The following ZWILCH variants were observed in gnomAD, a reference collection of about 807,000 sequenced individuals.
The protein encoded by ZWILCH is zwilch kinetochore protein.
Under a neutral mutation model 79.9 loss-of-function variants are expected in ZWILCH, and 74 were observed. The ratio of observed to expected loss-of-function variants is 0.93; its 90% CI spans 0.77 to 1.12. ZWILCH has a LOEUF of 1.12. ZWILCH is among the 50% of genes most tolerant of loss of function. ZWILCH has a pLI of 0.00. For missense variants in ZWILCH, 694 were observed against 687.5 expected (o/e 1.01, Z -0.11); for synonymous variants, 241 against 228.2 (o/e 1.06, Z -0.51).
At position 66,509,822 on chromosome 15, in the gene ZWILCH, C is replaced by CATAT. The variant is rs201725734; in HGVS notation, c.105+975_105+978dup. Among the ~76,000 whole-genome samples, 32 of 88,964 alleles carry CATAT rather than the reference C, an allele frequency of 3.6e-4. 1 individual carries two copies. Among genetic ancestry groups the CATAT allele is most frequent in the Non-Finnish European group, 5.1e-4 (22 of 43,372 alleles). 58.4% of individuals were successfully genotyped at this position (88,964 alleles called of 152,430 possible). ...CTATAATTATGTGTGTGTGTGGCTA[C>CATAT]ATATATATATATATATATATATATA... On this transcript the variant is annotated intron_variant, in intron 2 of 18. Transcript: ENST00000307897.
intron 7 of ZWILCH, among the ~76,000 whole-genome samples, chr15:66,521,492 G>C (rs1464375514): frequency 1.4e-5 from 2 of 147,960 alleles, no homozygotes; most frequent in Non-Finnish European, 3.0e-5. Context: ...CCGTGTTTTT[G>C]TTTGTTTGTT....
intron 17 of ZWILCH, among the ~76,000 whole-genome samples, chr15:66,542,541 C>T (rs866111003): frequency 6.6e-5 from 10 of 152,010 alleles, no homozygotes; most frequent in African/African-American, 9.7e-5. Flanking sequence ...GCCAAGATCG[C>T]GCCACTGCAT....
intron 8 of ZWILCH, chr15:66,524,592 T>C (rs1010067230): frequency 6.6e-6 from 1 of 152,192 alleles, no homozygotes. Flanking sequence ...TCTCACAGAA[T>C]GGCTTGTGTT....
chr15:66,516,407 A>G (rs1023832416), intron 4 of ZWILCH, among the ~76,000 whole-genome samples: 2 of 152,210 alleles, frequency 1.3e-5, no homozygotes, highest in African/African-American at 4.8e-5. Context: ...TAGTCATGCA[A>G]ATACTAACAG....
intron 12 of ZWILCH, among the ~76,000 whole-genome samples, chr15:66,531,917 A>G (rs187116752): frequency 6.6e-6 from 1 of 152,182 alleles, no homozygotes; most frequent in East Asian, 1.9e-4. Context: ...AAATATAAAA[A>G]TTAGCCAGGT....
rs1387661743 is a variant in ZWILCH, at chr15:66,520,637, A to G, written c.568A>G (p.Lys190Glu). The change falls in exon 6 of 19, where the codon AAG becomes GAG. Residue 190 changes from lysine to glutamate, a missense_variant. Coordinates refer to ENST00000307897, the MANE Select transcript of ZWILCH (RefSeq NM_017975.5). ...TCTTGAAAACCTAAAAAATTTACAC[A>G]AGAAAAGACATCACTTGTCTACTGT... The part of the protein sequence containing the change: ...VNLENLKNLH[K>E]KRHHLSTVTS... 1 of 1,556,328 alleles carries G rather than the reference A, an allele frequency of 6.4e-7. No homozygotes were observed. The highest frequency in any genetic ancestry group is 8.8e-7 in the Non-Finnish European group (1 of 1,132,796).
intron 15 of ZWILCH, 74 bp from the exon 16 acceptor site, chr15:66,537,094 A>C: frequency 8.9e-7 from 1 of 1,129,932 alleles, no homozygotes; most frequent in South Asian, 1.3e-5. Context: ...TTCCCTTACG[A>C]GCTTTAGACT....
rs781710931 is a variant in ZWILCH at position 66,508,888 on chromosome 15, A to G, written c.101A>G (p.Tyr34Cys). Residue 34 changes from tyrosine (Y) to cysteine (C), a missense_variant, in exon 2 of 19, where the codon TAT (tyrosine) becomes TGT (cysteine). Transcript: ENST00000307897. ...GGAATCCGTAAAGACCCATTTCTCT[A>G]TGAGGTATGAACAATTTGGTTTTTA... The part of the protein sequence containing the change: ...KKGIRKDPFL[Y>C]EADVQVQLIS... The G allele has an allele frequency of 5.0e-6, 8 of 1,613,822 alleles. No homozygotes were observed. Among genetic ancestry groups the G allele is most frequent in the Non-Finnish European group, 3.4e-6 (4 of 1,179,928 alleles).
Position 66,550,039 on chromosome 15 carries a change from A to G in ZWILCH, c.*1715A>G, listed in dbSNP as rs759102305. ...GGAAAACATTGAAATATACTGACTC[A>G]CCTGCAGCAAGCATCTGATTGTTGA... On this transcript the variant is annotated 3_prime_UTR_variant, in exon 19 of 19. Transcript: ENST00000307897. The G allele has an allele frequency of 3.8e-6, 6 of 1,594,340 alleles. No homozygotes were observed. Among genetic ancestry groups the G allele is most frequent in the Non-Finnish European group, 5.1e-6 (6 of 1,169,692 alleles).
At position 66,549,365 on chromosome 15, in the gene ZWILCH, T is replaced by A. The variant is rs1159406665; in HGVS notation, c.*1041T>A. The A allele has an allele frequency of 6.6e-6, 1 of 152,214 alleles. No homozygotes were observed. The highest frequency in any genetic ancestry group is 1.9e-4 in the East Asian group (1 of 5,210). The allele number at this position is 152,214 out of a possible 1,614,324, so 9.4% of individuals were successfully genotyped here. ...TGGCCTGTAAAAATAGCTAGTTTGG[T>A]AAGATTTGGTCTCGCACCTTCCATC... is the stretch of plus-strand genomic sequence containing the variant. On this transcript the variant is annotated 3_prime_UTR_variant, in exon 19 of 19. Coordinates refer to ENST00000307897, the MANE Select transcript of ZWILCH (RefSeq NM_017975.5).
intron 8 of ZWILCH, among the ~76,000 whole-genome samples, chr15:66,526,087 T>C (rs1567046420): frequency 6.6e-6 from 1 of 151,866 alleles, no homozygotes; most frequent in African/African-American, 2.4e-5. Flanking sequence ...TCTAAAGACC[T>C]CCCCCCGGGA....
intron 10 of ZWILCH, among the ~76,000 whole-genome samples, chr15:66,528,128 A>T (rs1894740741): frequency 1.3e-5 from 2 of 152,092 alleles, no homozygotes; most frequent in Non-Finnish European, 2.9e-5. Context: ...TTTTGAGACA[A>T]GGTCTTGCTC....
rs1398705837 is a variant in ZWILCH, at chr15:66,537,212, A to G, written c.1523A>G (p.His508Arg). 2.5e-6 allele frequency: 4 copies of G among 1,613,460 alleles called. No individual in the cohort carries two copies. In the Admixed American group the frequency reaches 6.7e-5, roughly 27 times the overall value. Residue 508 changes from histidine (H) to arginine (R), a missense_variant, in exon 16 of 19, where the codon CAC becomes CGC. Physicochemically the swap from His to Arg is conservative, Grantham distance 29. Transcript: ENST00000307897. ...AAACAAAATCCTCTTGATGAGCAAC[A>G]CATTTTTCAGCTGCCAGTCAGACCA... ...YYKQNPLDEQ[H>R]IFQLPVRPTA...
At chr15:66,512,091 A>G (rs935690117) in intron 2 of ZWILCH, among the ~76,000 whole-genome samples, 1 of 152,174 alleles carries the variant, frequency 6.6e-6, no homozygotes, top group Non-Finnish European at 1.5e-5. Flanking sequence ...AAAACTGGAA[A>G]CTACTAAAAT....
Position 66,518,971 on chromosome 15 carries a change from T to C in ZWILCH, c.413T>C (p.Val138Ala), listed in dbSNP as rs772987880. The change falls in exon 5 of 19, where the codon GTA becomes GCA. Residue 138 changes from valine to alanine, a missense_variant. Coordinates refer to ENST00000307897, the MANE Select transcript of ZWILCH (RefSeq NM_017975.5). ...LPVTALPPLW[V>A]RCDSSDPEGT... ...GTTACTGCCCTTCCTCCCCTTTGGG[T>C]AAGATGTGACAGTTCAGATCCTGAA... is the stretch of plus-strand genomic sequence containing the variant. 6.2e-7 allele frequency: 1 copy of C among 1,614,204 alleles called. No individual in the cohort carries two copies.
Position 66,528,906 on chromosome 15 carries a change from GT to G in ZWILCH, c.1026del (p.Arg343GlyfsTer14). 1 of 1,614,128 alleles carries G rather than the reference GT, an allele frequency of 6.2e-7. No homozygotes were observed. The highest frequency in any genetic ancestry group is 8.5e-7 in the Non-Finnish European group (1 of 1,180,012). The part of the protein sequence containing the change: ...VDRSVKRLFK[V>X]RSDLDFAEQL... ...TCGTTCCGTCAAGCGTCTTTTCAAAGTTCGGAGTGATCTTGATTTTGCTGAG... is the reference window on the plus strand; with the variant it reads ...TCGTTCCGTCAAGCGTCTTTTCAAAGTCGGAGTGATCTTGATTTTGCTGAG... On this transcript the variant is annotated frameshift_variant, in exon 11 of 19. Transcript: ENST00000307897. LOFTEE classifies it high-confidence loss of function.
intron 1 of ZWILCH, among the ~76,000 whole-genome samples, chr15:66,508,146 C>T (rs1893898086): frequency 6.6e-6 from 1 of 152,132 alleles, no homozygotes; most frequent in Admixed American, 6.5e-5. Flanking sequence ...TGTTGGGTTC[C>T]TTCAATGACT....
intron 17 of ZWILCH, among the ~76,000 whole-genome samples, chr15:66,545,121 G>C (rs1219084241): frequency 6.6e-6 from 1 of 151,982 alleles, no homozygotes; most frequent in South Asian, 2.1e-4. Flanking sequence ...GGAAGGCTGA[G>C]GTGGGTGGAT....
chr15:66,540,635 T>C (rs1026299841), intron 17 of ZWILCH, among the ~76,000 whole-genome samples: 1 of 137,464 alleles, frequency 7.3e-6, no homozygotes, highest in Non-Finnish European at 1.6e-5. Flanking sequence ...ATTTTCTTTC[T>C]TTTTTTTTTT....
Sources: gnomAD v4.1 joint callset for allele counts (sites outside exome capture counted in the v4.1 genomes callset) on GRCh38, gnomAD v4.1.1 for gene constraint, MANE v1.5 for transcripts, NCBI Gene and HGNC (gene_info 2026-07-23, HGNC 2026-07-21) for gene names.